Variants in ITGA8 observed in about 807,000 individuals in gnomAD.
ITGA8 encodes integrin alpha-8.
In ITGA8, 91 loss-of-function variants were observed where a neutral mutation model predicts 142.3. That is an observed-to-expected ratio of 0.64 (90% CI 0.54 to 0.76). ITGA8 has a LOEUF of 0.76. Ranked by LOEUF, ITGA8 falls within the 30% of genes least tolerant of loss-of-function variation. The pLI is 0.00. For missense variants in ITGA8, 1,406 were observed against 1,327.7 expected, an observed-to-expected ratio of 1.06 and a Z score of -0.92; for synonymous variants, 505 against 485.2, an observed-to-expected ratio of 1.04 and a Z score of -0.54.
At chr10:15,558,424 G>T (rs1050215814) in intron 25 of ITGA8, among the ~76,000 whole-genome samples, 3 of 152,204 alleles carry the variant, frequency 2.0e-5, no homozygotes, top group Non-Finnish European at 2.9e-5. Context: ...GAAGCATGGG[G>T]AATGCATTCC....
chr10:15,577,106 G>A (rs1316759173), intron 23 of ITGA8, among the ~76,000 whole-genome samples: 1 of 152,070 alleles, frequency 6.6e-6, no homozygotes, highest in African/African-American at 2.4e-5. Context: ...AGTTGAGTTC[G>A]TGTTCACTAT....
In ITGA8 at chr10:15,519,316, C is replaced by T. The variant is rs150922478; in HGVS notation, c.3079G>A (p.Ala1027Thr). The T allele has an allele frequency of 4.6e-4, 747 of 1,613,460 alleles. 1 individual carries two copies. The highest frequency in any genetic ancestry group is 4.1e-4 in the Non-Finnish European group (481 of 1,179,826). ...LAILLGLLVL[A>T]ILTLALWKCG... ...TTCCATAAAGCTAAGGTTAAAATGGCGAGAACCAACAATCCAAGAAGTATT... is the reference window on the plus strand; with the variant it reads ...TTCCATAAAGCTAAGGTTAAAATGGTGAGAACCAACAATCCAAGAAGTATT... Residue 1027 changes from alanine (A) to threonine (T), a missense_variant, in exon 29 of 30, where the codon GCC becomes ACC. Physicochemically the swap from Ala to Thr is moderately conservative, Grantham distance 58. Coordinates refer to ENST00000378076, the MANE Select transcript of ITGA8 (RefSeq NM_003638.3).
intron 11 of ITGA8, among the ~76,000 whole-genome samples, chr10:15,650,147 T>G (rs565062437): frequency 6.6e-6 from 1 of 152,232 alleles, no homozygotes; most frequent in Non-Finnish European, 1.5e-5. Flanking sequence ...GAACCTCAAA[T>G]ATACATTGCT....
At chr10:15,560,013 C>T (rs897084459) in intron 25 of ITGA8, among the ~76,000 whole-genome samples, 5 of 152,094 alleles carry the variant, frequency 3.3e-5, no homozygotes, top group South Asian at 2.1e-4. Flanking sequence ...ATGAGCCAGG[C>T]TTATGCCTGT....
At chr10:15,580,739 G>C (rs1834392698) in intron 23 of ITGA8, among the ~76,000 whole-genome samples, 1 of 152,176 alleles carries the variant, frequency 6.6e-6, no homozygotes, top group African/African-American at 2.4e-5. Flanking sequence ...ATACATTCAT[G>C]TTAAAAATTC....
intron 13 of ITGA8, among the ~76,000 whole-genome samples, chr10:15,643,597 T>C (rs1011160715): frequency 4.6e-5 from 7 of 152,214 alleles, no homozygotes; most frequent in African/African-American, 1.7e-4. Flanking sequence ...GGAAAATATT[T>C]ATGCTTTAAA....
chr10:15,561,209 C>CTATATATATATATATATATATATATATA (rs529527480), intron 25 of ITGA8, among the ~76,000 whole-genome samples: 1 of 116,948 alleles, frequency 8.6e-6, no homozygotes. Flanking sequence ...TATCTGTTGG[C>CTATATATATATATATATATATATATATA]TATATATATA....
intron 13 of ITGA8, among the ~76,000 whole-genome samples, chr10:15,617,290 G>A (rs1833410993): frequency 6.6e-6 from 1 of 151,876 alleles, no homozygotes; most frequent in African/African-American, 2.4e-5. Context: ...ATTCACACAA[G>A]TAGGTAAGTG....
chr10:15,683,300 T>TCCACCCATCCACCCAC (rs1564407368), intron 4 of ITGA8, among the ~76,000 whole-genome samples: 14 of 140,726 alleles, frequency 9.9e-5, no homozygotes, highest in East Asian at 4.3e-4. Flanking sequence ...CATCCACCCA[T>TCCACCCATCCACCCAC]CCACCCACCC....
chr10:15,574,303 T>A (rs1834241320), intron 24 of ITGA8, among the ~76,000 whole-genome samples: 1 of 152,242 alleles, frequency 6.6e-6, no homozygotes, highest in Admixed American at 6.5e-5. Context: ...AATCTCAGAA[T>A]AAGATATTCA....
intron 21 of ITGA8, among the ~76,000 whole-genome samples, chr10:15,594,006 A>G (rs936341412): frequency 6.6e-6 from 1 of 151,618 alleles, no homozygotes; most frequent in Non-Finnish European, 1.5e-5. Context: ...CACACCCAGC[A>G]ATTTTTTGTA....
chr10:15,632,738 T>C (rs939629898), intron 13 of ITGA8, among the ~76,000 whole-genome samples: 3 of 152,094 alleles, frequency 2.0e-5, no homozygotes, highest in African/African-American at 7.2e-5. Context: ...CTTTTTTTTT[T>C]CTCCCTGAGG....
At chr10:15,668,839 C>A (rs1290716360) in intron 8 of ITGA8, among the ~76,000 whole-genome samples, 1 of 152,166 alleles carries the variant, frequency 6.6e-6, no homozygotes, top group Non-Finnish European at 1.5e-5. Flanking sequence ...AGAATGTTGA[C>A]TATTGGTCCC....
At chr10:15,530,108 G>T (rs1368411709) in intron 28 of ITGA8, among the ~76,000 whole-genome samples, 1 of 152,156 alleles carries the variant, frequency 6.6e-6, no homozygotes, top group Non-Finnish European at 1.5e-5. Flanking sequence ...AACTGAAAAG[G>T]CAGAGTTTTG....
At position 15,627,342 on chromosome 10, in the gene ITGA8, G is replaced by A. The variant is rs568941986; in HGVS notation, c.1400-10783C>T. On this transcript the variant is annotated intron_variant, in intron 13 of 29. Coordinates refer to ENST00000378076, the MANE Select transcript of ITGA8 (RefSeq NM_003638.3). The stretch of plus-strand genomic sequence containing the variant: ...AAAAGAGAGGTAACAGGATGAGAGG[G>A]GCTGAGCATCCCCCAGACAAGCTTC... Among the ~76,000 whole-genome samples the A allele has an allele frequency of 2.6e-5, 4 of 152,274 alleles. No homozygotes were observed. The South Asian group carries it at 6.2e-4, about 24-fold the overall frequency.
intron 27 of ITGA8, among the ~76,000 whole-genome samples, chr10:15,539,824 C>G (rs894645292): frequency 6.6e-6 from 1 of 151,968 alleles, no homozygotes; most frequent in Admixed American, 6.6e-5. Context: ...TGGCTGTGTC[C>G]CCACCCAAAT....
intron 11 of ITGA8, among the ~76,000 whole-genome samples, chr10:15,647,831 A>G (rs545503031): frequency 9.8e-5 from 15 of 152,290 alleles, no homozygotes; most frequent in Admixed American, 2.6e-4. Context: ...TGTTAGCTCA[A>G]TTTAAATAAA....
At chr10:15,647,188 C>T (rs1481296416) in intron 11 of ITGA8, 137 bp from the exon 12 acceptor site, 16 of 639,662 alleles carry the variant, frequency 2.5e-5, no homozygotes, top group African/African-American at 3.6e-5. Context: ...CATCAGATTG[C>T]TTTCGCTGCT....
In ITGA8 at chr10:15,605,784, A is replaced by G. The variant is rs1833184324; in HGVS notation, c.1910T>C (p.Ile637Thr). Reference sequence around the variant, plus strand: ...ATTGTCTTCTCCACAGTCCACCAGAATGTGAGCCTGTGTTGTATAAACGCA... The same window carrying G: ...ATTGTCTTCTCCACAGTCCACCAGAGTGTGAGCCTGTGTTGTATAAACGCA... ...RENIVSEQAHILVDCGEDNLC... is the reference protein window; with the variant it reads ...RENIVSEQAHTLVDCGEDNLC... Residue 637 changes from isoleucine to threonine, a missense_variant, in exon 19 of 30, where the codon ATT becomes ACT. Transcript: ENST00000378076. 1 of 1,613,206 alleles carries G rather than the reference A, an allele frequency of 6.2e-7. No homozygotes were observed.
Sources: allele counts gnomAD v4.1 joint callset (sites outside exome capture counted in the v4.1 genomes callset), GRCh38; gene constraint gnomAD v4.1.1; transcripts MANE v1.5; gene names NCBI Gene and HGNC (gene_info 2026-07-23, HGNC 2026-07-21).